Variants in GAB2 observed in about 807,000 individuals in gnomAD.
GAB2 encodes GRB2 associated binding protein 2.
A neutral mutation model predicts 65.5 loss-of-function variants in GAB2; 26 were observed. The observed-to-expected ratio is 0.40, with a 90% CI of 0.29 to 0.55. The LOEUF (loss-of-function observed/expected upper bound fraction) is 0.55, where lower values mean the gene tolerates loss of function less well. Ranked by LOEUF, GAB2 falls within the 20% of genes least tolerant of loss-of-function variation. The pLI is 0.53. For synonymous variants in GAB2, 321 were observed against 329.6 expected (o/e 0.97, Z 0.28); for missense variants, 884 against 875.8 (o/e 1.01, Z -0.12).
At chr11:78,353,823 G>A (rs867646194) in intron 1 of GAB2, among the ~76,000 whole-genome samples, 1 of 152,132 alleles carries the variant, frequency 6.6e-6, no homozygotes, top group South Asian at 2.1e-4. Flanking sequence ...GGACAGTGCA[G>A]CTCTAGATAA....
intron 1 of GAB2, among the ~76,000 whole-genome samples, chr11:78,286,465 A>G (rs1866486354): frequency 6.6e-6 from 1 of 151,940 alleles, no homozygotes; most frequent in Non-Finnish European, 1.5e-5. Flanking sequence ...TGGCATTTCT[A>G]ATGCTTATAT....
intron 1 of GAB2, among the ~76,000 whole-genome samples, chr11:78,405,025 T>C (rs1018000214): frequency 1.3e-5 from 2 of 150,184 alleles, no homozygotes; most frequent in African/African-American, 4.9e-5. Flanking sequence ...TATGTATCCG[T>C]AAAAAGTAAA....
chr11:78,389,150 T>A (rs1473187163), intron 1 of GAB2, among the ~76,000 whole-genome samples: 1 of 152,172 alleles, frequency 6.6e-6, no homozygotes, highest in Non-Finnish European at 1.5e-5. Flanking sequence ...TGGCAGAATG[T>A]ATTAAGTGCC....
intron 1 of GAB2, among the ~76,000 whole-genome samples, chr11:78,364,351 CCAATA>C (rs1422593631): frequency 6.6e-6 from 1 of 152,158 alleles, no homozygotes; most frequent in Non-Finnish European, 1.5e-5. Flanking sequence ...CATCTTTACT[CCAATA>C]CAGATTCCTA....
chr11:78,224,055 C>T (rs1864548372), intron 5 of GAB2, among the ~76,000 whole-genome samples: 1 of 152,020 alleles, frequency 6.6e-6, no homozygotes, highest in Admixed American at 6.6e-5. Context: ...GCACTCCAGC[C>T]TGGGTGACAG....
intron 1 of GAB2, among the ~76,000 whole-genome samples, chr11:78,328,211 G>A (rs2134673127): frequency 6.6e-6 from 1 of 152,246 alleles, no homozygotes; most frequent in Non-Finnish European, 1.5e-5. Flanking sequence ...ATAAATCCTG[G>A]GTCAATAATC....
At chr11:78,319,027 A>G (rs1353150241) in intron 1 of GAB2, among the ~76,000 whole-genome samples, 2 of 152,028 alleles carry the variant, frequency 1.3e-5, no homozygotes, top group Admixed American at 6.6e-5. Flanking sequence ...TCCCTCCATC[A>G]CTGCCCCTCC....
intron 1 of GAB2, among the ~76,000 whole-genome samples, chr11:78,383,704 G>A (rs1591078472): frequency 6.6e-6 from 1 of 152,072 alleles, no homozygotes; most frequent in East Asian, 1.9e-4. Flanking sequence ...GTTGCAGTAA[G>A]CTGAGATCAT....
chr11:78,242,431 G>A (rs1167870622), intron 3 of GAB2, among the ~76,000 whole-genome samples: 1 of 152,056 alleles, frequency 6.6e-6, no homozygotes, highest in African/African-American at 2.4e-5. Flanking sequence ...GAACCTGGGA[G>A]GCAGAGCTTG....
intron 1 of GAB2, among the ~76,000 whole-genome samples, chr11:78,376,643 G>C (rs554336459): frequency 6.6e-6 from 1 of 152,258 alleles, no homozygotes; most frequent in Non-Finnish European, 1.5e-5. Context: ...GTTTACTGTA[G>C]GATAAGGCAA....
chr11:78,232,252 T>C (rs757048244), intron 3 of GAB2, among the ~76,000 whole-genome samples: 4 of 152,238 alleles, frequency 2.6e-5, no homozygotes, highest in Admixed American at 6.5e-5. Flanking sequence ...AGACTACTGC[T>C]GCAGGGTCAG....
At chr11:78,394,158 C>T (rs1331313255) in intron 1 of GAB2, among the ~76,000 whole-genome samples, 7 of 152,138 alleles carry the variant, frequency 4.6e-5, no homozygotes, top group Non-Finnish European at 7.3e-5. Flanking sequence ...CGTGGTGGCA[C>T]GCATCTCTAG....
intron 1 of GAB2, among the ~76,000 whole-genome samples, chr11:78,365,761 G>A (rs1232307580): frequency 6.6e-6 from 1 of 152,074 alleles, no homozygotes; most frequent in Admixed American, 6.6e-5. Flanking sequence ...ATGAAGCCTT[G>A]GATCGCAAAA....
At chr11:78,393,195 C>G (rs879619529) in intron 1 of GAB2, among the ~76,000 whole-genome samples, 2 of 152,172 alleles carry the variant, frequency 1.3e-5, no homozygotes, top group African/African-American at 4.8e-5. Flanking sequence ...GGAATCACAA[C>G]TGCAAAGGTC....
intron 3 of GAB2, among the ~76,000 whole-genome samples, chr11:78,243,858 G>A (rs1865216572): frequency 6.6e-6 from 1 of 151,770 alleles, no homozygotes; most frequent in African/African-American, 2.4e-5. Context: ...AAAGAAAAAA[G>A]AAAAAAGATG....
At chr11:78,321,044 G>A (rs1012925182) in intron 1 of GAB2, among the ~76,000 whole-genome samples, 22 of 152,280 alleles carry the variant, frequency 1.4e-4, no homozygotes, top group African/African-American at 4.8e-4. Context: ...TCTAGCTTGA[G>A]CCAACTATGA....
chr11:78,256,256 C>G (rs891211967), intron 2 of GAB2, among the ~76,000 whole-genome samples: 2 of 152,192 alleles, frequency 1.3e-5, no homozygotes, highest in Non-Finnish European at 2.9e-5. Flanking sequence ...TATAGGTTAT[C>G]TTGATGAACC....
rs58668713 is a variant in GAB2 at position 78,370,712 on chromosome 11, C to CCTGTGTGTATGTGTGTGT, written c.75+46933_75+46934insACACACACATACACACAG. 8.4e-4 allele frequency among the ~76,000 whole-genome samples: 104 copies of CCTGTGTGTATGTGTGTGT among 123,314 alleles called. 1 individual carries two copies. Among genetic ancestry groups the CCTGTGTGTATGTGTGTGT allele is most frequent in the African/African-American group, 2.8e-3 (98 of 34,670 alleles). The allele number at this position is 123,314 out of a possible 152,430, so 80.9% of individuals were successfully genotyped here. On this transcript the variant is annotated intron_variant, in intron 1 of 9. Coordinates refer to ENST00000361507, the MANE Select transcript of GAB2 (RefSeq NM_080491.3). ...ACTACTAATATTGTATGTGTGTGTGCGTGTGTGTGTGTATGTGTGTGTGTG... is the reference window on the plus strand; with the variant it reads ...ACTACTAATATTGTATGTGTGTGTGCCTGTGTGTATGTGTGTGTGTGTGTGTGTGTATGTGTGTGTGTG...
intron 1 of GAB2, 29 bp from the exon 2 acceptor site, chr11:78,280,930 A>G: frequency 6.4e-7 from 1 of 1,566,406 alleles, no homozygotes; most frequent in Non-Finnish European, 8.8e-7. Context: ...GAGTAAGAAG[A>G]GGGGGAAGAA....
Sources: allele counts gnomAD v4.1 joint callset (sites outside exome capture counted in the v4.1 genomes callset), GRCh38; gene constraint gnomAD v4.1.1; transcripts MANE v1.5; gene names NCBI Gene and HGNC (gene_info 2026-07-23, HGNC 2026-07-21).